NMD3: variants seen among roughly 807,000 people sequenced by gnomAD.
NMD3 encodes the protein 60S ribosomal export protein NMD3.
A neutral mutation model predicts 73.1 loss-of-function variants in NMD3; 47 were observed. That is an observed-to-expected ratio of 0.64 (90% confidence interval 0.51 to 0.82). The LOEUF (loss-of-function observed/expected upper bound fraction) is 0.82, where lower values mean the gene tolerates loss of function less well. NMD3 is among the 40% of genes least tolerant of loss of function. The probability of loss-of-function intolerance (pLI) is 0.00; values close to 1 mark genes in which losing one functional copy is unlikely to be tolerated. For missense variants in NMD3, 554 were observed against 612.5 expected, an observed-to-expected ratio of 0.90 and a Z score of 1.01; for synonymous variants, 210 against 194.5, an observed-to-expected ratio of 1.08 and a Z score of -0.66.
chr3:161,244,956 A>T (rs1432289028), intron 11 of NMD3, among the ~76,000 whole-genome samples: 2 of 151,798 alleles, frequency 1.3e-5, no homozygotes, highest in Non-Finnish European at 2.9e-5. Context: ...AATGGTTCCT[A>T]TGTTGTTTTG....
chr3:161,235,575 T>A (rs1736725747), intron 7 of NMD3, among the ~76,000 whole-genome samples: 1 of 152,178 alleles, frequency 6.6e-6, no homozygotes, highest in South Asian at 2.1e-4. Flanking sequence ...CTCAGTTAAG[T>A]GAGTGACATT....
At chr3:161,224,783 C>A in intron 2 of NMD3, 147 bp from the exon 3 acceptor site, 1 of 706,838 alleles carries the variant, frequency 1.4e-6, no homozygotes. Flanking sequence ...CACTGGCTGG[C>A]CCAGGTTGCT....
In NMD3 at chr3:161,246,326, T is replaced by C. The variant is rs1737201164; in HGVS notation, c.1018-10T>C. ...AGATTATTGAAGAGTACATTTTCTT[T>C]CCTCTTAAGCATACCCTCGGGGAAG... On this transcript the variant is annotated splice_polypyrimidine_tract_variant and intron_variant, in intron 11 of 15. Coordinates refer to ENST00000351193, the MANE Select transcript of NMD3 (RefSeq NM_015938.5). 2 of 1,089,094 alleles carry C rather than the reference T, an allele frequency of 1.8e-6. No individual in the cohort carries two copies. The highest frequency in any genetic ancestry group is 2.6e-6 in the Non-Finnish European group (2 of 756,718). The allele number at this position is 1,089,094 out of a possible 1,614,324, so 67.5% of individuals were successfully genotyped here. A position where few individuals can be genotyped will look rare whatever the true frequency, so the allele number is the denominator to read the frequency against.
intron 3 of NMD3, among the ~76,000 whole-genome samples, chr3:161,225,958 A>G (rs754720269): frequency 5.9e-5 from 9 of 152,080 alleles, no homozygotes; most frequent in Non-Finnish European, 1.2e-4. Context: ...TGTGAGGCTT[A>G]ATCTTTTATA....
Position 161,236,956 on chromosome 3 carries a change from A to C in NMD3, c.578-1157A>C, listed in dbSNP as rs1418912256. 3.3e-5 allele frequency among the ~76,000 whole-genome samples: 5 copies of C among 152,176 alleles called. No individual in the cohort carries two copies. The East Asian group carries it at 9.6e-4, about 29-fold the overall frequency. ...TACCATGCTATCTTGCATACTTACT[A>C]AAGTTAGTGAGTTTTGACATTAAAT... On this transcript the variant is annotated intron_variant, in intron 7 of 15. Transcript: ENST00000351193.
In NMD3 at chr3:161,225,051, A is replaced by G. The variant is rs1434024080; in HGVS notation, c.166A>G (p.Lys56Glu). Reference protein sequence around the residue: ...IPKQVSISFCKQCQRYFQPPG... With the variant: ...IPKQVSISFCEQCQRYFQPPG... The stretch of plus-strand genomic sequence containing the variant: ...GAAACAAGTCTCGATTTCGTTCTGC[A>G]AACAATGTCAAAGGTACAGTGCGGT... The change falls in exon 3 of 16, where the codon AAA becomes GAA. Residue 56 changes from lysine to glutamate, a missense_variant. Physicochemically the swap from Lys to Glu is moderately conservative, Grantham distance 56. Coordinates refer to ENST00000351193, the MANE Select transcript of NMD3 (RefSeq NM_015938.5). The G allele has an allele frequency of 6.2e-7, 1 of 1,613,838 alleles. No individual in the cohort carries two copies.
chr3:161,233,986 A>C (rs565672875), intron 5 of NMD3, among the ~76,000 whole-genome samples: 1 of 152,128 alleles, frequency 6.6e-6, no homozygotes, highest in Non-Finnish European at 1.5e-5. Flanking sequence ...TAGAAACTCA[A>C]GAAGTTTCAG....
chr3:161,236,259 A>G (rs1167047566), intron 7 of NMD3, among the ~76,000 whole-genome samples: 1 of 152,062 alleles, frequency 6.6e-6, no homozygotes, highest in African/African-American at 2.4e-5. Context: ...ATTTATGTTT[A>G]TATATAAAAA....
chr3:161,228,690 T>G (rs1321721907), intron 4 of NMD3, among the ~76,000 whole-genome samples: 4 of 152,182 alleles, frequency 2.6e-5, no homozygotes, highest in Non-Finnish European at 5.9e-5. Flanking sequence ...AGATGTTTAT[T>G]AAGTACCAAC....
rs773301501 is a variant in NMD3 at position 161,234,740 on chromosome 3, C to T, written c.371C>T (p.Ala124Val). ...LTIQKEVMNG[A>V]ILQQVFVVDY... ...TTGTTTTATCAGGTGATGAATGGTGCTATCCTTCAACAAGTGTTTGTGGTG... is the reference window on the plus strand; with the variant it reads ...TTGTTTTATCAGGTGATGAATGGTGTTATCCTTCAACAAGTGTTTGTGGTG... The change falls in exon 6 of 16, where the codon GCT becomes GTT. Residue 124 changes from alanine to valine, a missense_variant. Physicochemically the swap from Ala to Val is moderately conservative, Grantham distance 64. Coordinates refer to ENST00000351193, the MANE Select transcript of NMD3 (RefSeq NM_015938.5). The T allele has an allele frequency of 6.2e-7, 1 of 1,611,886 alleles. No homozygotes were observed. The highest frequency in any genetic ancestry group is 8.5e-7 in the Non-Finnish European group (1 of 1,178,724).
intron 4 of NMD3, among the ~76,000 whole-genome samples, chr3:161,229,512 T>C (rs1736454227): frequency 6.6e-6 from 1 of 152,176 alleles, no homozygotes; most frequent in Non-Finnish European, 1.5e-5. Context: ...AGAGTTCATC[T>C]GTAACTGGTA....
chr3:161,242,581 G>A lies in NMD3; in HGVS notation c.945G>A (p.Glu315=), dbSNP rs773416092. The A allele has an allele frequency of 8.1e-6, 13 of 1,613,660 alleles. No homozygotes were observed. The Admixed American group carries it at 2.2e-4, about 27-fold the overall frequency. ...TATGTCATCCCAAACAGCTAGAGGA[G>A]TTTATTGTGATGGAATGCAGCATAG... ...NSLCHPKQLE[E]FIVMECSIVQ... is the part of the protein sequence containing the mutation. The change falls in exon 11 of 16, where the codon GAG becomes GAA. Residue 315 remains glutamate (E), a synonymous_variant. Transcript: ENST00000351193.
At chr3:161,223,681 A>G (rs547024209) in intron 2 of NMD3, among the ~76,000 whole-genome samples, 55 of 152,338 alleles carry the variant, frequency 3.6e-4, no homozygotes, top group African/African-American at 1.3e-3. Context: ...GGTCCTCTGT[A>G]TGCCCTGAAT....
At chr3:161,228,421 A>G (rs1277950702) in intron 4 of NMD3, among the ~76,000 whole-genome samples, 1 of 151,554 alleles carries the variant, frequency 6.6e-6, no homozygotes, top group African/African-American at 2.4e-5. Flanking sequence ...TTTTTACTTT[A>G]TCTTCTAATC....
rs1451861872 is a variant in NMD3 at position 161,222,017 on chromosome 3, G to A, written c.4G>A (p.Glu2Lys). 1.4e-6 allele frequency: 2 copies of A among 1,480,970 alleles called. No individual in the cohort carries two copies. Among genetic ancestry groups the A allele is most frequent in the Non-Finnish European group, 1.9e-6 (2 of 1,073,844 alleles). The allele number at this position is 1,480,970 out of a possible 1,614,324, so 91.7% of individuals were successfully genotyped here. A position where few individuals can be genotyped will look rare whatever the true frequency, so the allele number is the denominator to read the frequency against. Residue 2 changes from glutamate (E) to lysine (K), a missense_variant, in exon 2 of 16, where the codon GAG (glutamate) becomes AAG (lysine). Glu to Lys is a moderately conservative substitution (Grantham distance 56, BLOSUM62 1). Coordinates refer to ENST00000351193, the MANE Select transcript of NMD3 (RefSeq NM_015938.5). ...AGAACTTAAGGCATACAGAACGATGGAGTATATGGCAGAATCCACCGACCG... is the reference window on the plus strand; with the variant it reads ...AGAACTTAAGGCATACAGAACGATGAAGTATATGGCAGAATCCACCGACCG... M[E>K]YMAESTDRSP... is the part of the protein sequence containing the mutation.
At chr3:161,250,445 ACTC>A (rs1357513579) in intron 15 of NMD3, 119 bp downstream of exon 15, 2 of 625,144 alleles carry the variant, frequency 3.2e-6, no homozygotes, top group African/African-American at 3.8e-5. Flanking sequence ...TTTTTCAACT[ACTC>A]TAGTCACACT....
chr3:161,241,290 T>C (rs1736975607), intron 10 of NMD3, 127 bp downstream of exon 10: 1 of 632,862 alleles, frequency 1.6e-6, no homozygotes, highest in African/African-American at 1.9e-5. Flanking sequence ...ATTTGTGCTA[T>C]TGTTTAATAC....
At position 161,238,806 on chromosome 3, in the gene NMD3, G is replaced by A. The variant is rs1287689466; in HGVS notation, c.733G>A (p.Glu245Lys). 6.5e-7 allele frequency: 1 copy of A among 1,541,834 alleles called. No individual in the cohort carries two copies. Residue 245 changes from glutamate to lysine, a missense_variant, in exon 9 of 16, where the codon GAA becomes AAA. Physicochemically the swap from Glu to Lys is moderately conservative, Grantham distance 56 (BLOSUM62 1). Transcript: ENST00000351193. ...CAATTACAAAAGCACTTTTTCTGTGGAAATTGTTCCAATATGCAAGGTACT... is the reference window on the plus strand; with the variant it reads ...CAATTACAAAAGCACTTTTTCTGTGAAAATTGTTCCAATATGCAAGGTACT... ...TYNYKSTFSV[E>K]IVPICKDNVV...
intron 10 of NMD3, among the ~76,000 whole-genome samples, chr3:161,241,571 C>G (rs1262196078): frequency 6.6e-6 from 1 of 151,976 alleles, no homozygotes; most frequent in Admixed American, 6.6e-5. Context: ...CAGGTGCCTG[C>G]CACCATGCCC....
Sources: gnomAD v4.1 joint callset for allele counts (sites outside exome capture counted in the v4.1 genomes callset) on GRCh38, gnomAD v4.1.1 for gene constraint, MANE v1.5 for transcripts, NCBI Gene and HGNC (gene_info 2026-07-23, HGNC 2026-07-21) for gene names.